The following RICTOR variants were observed in gnomAD, a reference collection of about 807,000 sequenced individuals.
RICTOR encodes RPTOR independent companion of MTOR complex 2, also known as rapamycin-insensitive companion of mTOR.
Under a neutral mutation model 214.9 loss-of-function variants are expected in RICTOR, and 49 were observed. The ratio of observed to expected loss-of-function variants is 0.23; its 90% confidence interval spans 0.18 to 0.29. The LOEUF is 0.29. Among genes scored for constraint, RICTOR ranks in the 10% least tolerant of loss-of-function variants. The pLI, the probability that RICTOR is intolerant of heterozygous loss-of-function variation, is 1.00. For synonymous variants in RICTOR, 717 were observed against 711.3 expected (o/e 1.01, Z -0.13); for missense variants, 1,625 against 2,047.0 (o/e 0.79, Z 3.98).
At chr5:39,060,310 C>T (rs1268800527) in intron 2 of RICTOR, among the ~76,000 whole-genome samples, 2 of 152,022 alleles carry the variant, frequency 1.3e-5, no homozygotes, top group Non-Finnish European at 2.9e-5. Context: ...AGTAGAGACT[C>T]TTAATTCTTC....
At chr5:39,057,549 T>C (rs532397460) in intron 2 of RICTOR, among the ~76,000 whole-genome samples, 151 of 152,230 alleles carry the variant, frequency 9.9e-4, no homozygotes, top group African/African-American at 3.5e-3. Flanking sequence ...AGGAAAATGA[T>C]GTGCCAGTAT....
Position 39,013,496 on chromosome 5 carries a change from TTGTC to T in RICTOR, c.195+7539_195+7542del, listed in dbSNP as rs796648125. Reference sequence around the variant, plus strand: ...TATATTATCTCCAAGTATTAAAAATTTGTCTGTTTATTAAAATGATCAAGTTTTA... The same window carrying T: ...TATATTATCTCCAAGTATTAAAAATTTGTTTATTAAAATGATCAAGTTTTA... On this transcript the variant is annotated intron_variant, in intron 3 of 37. Transcript: ENST00000357387. Among the ~76,000 whole-genome samples, 7 of 152,262 alleles carry T rather than the reference TTGTC, an allele frequency of 4.6e-5. No homozygotes were observed. The South Asian group carries it at 1.5e-3, about 32-fold the overall frequency.
intron 26 of RICTOR, 142 bp from the exon 27 acceptor site, chr5:38,955,003 G>A (rs1348072767): frequency 2.1e-6 from 1 of 476,470 alleles, no homozygotes; most frequent in African/African-American, 2.1e-5. Context: ...AACAAGGAAT[G>A]AGGATTTCTC....
intron 2 of RICTOR, among the ~76,000 whole-genome samples, chr5:39,048,879 A>G (rs1324438078): frequency 6.6e-6 from 1 of 152,188 alleles, no homozygotes; most frequent in Non-Finnish European, 1.5e-5. Context: ...TGTTACGCAT[A>G]AAGTTAGACC....
At position 38,962,912 on chromosome 5, in the gene RICTOR, C is replaced by T. The variant is rs768869927; in HGVS notation, c.1530G>A (p.Gln510=). 2 of 1,612,916 alleles carry T rather than the reference C, an allele frequency of 1.2e-6. No individual in the cohort carries two copies. The highest frequency in any genetic ancestry group is 1.1e-5 in the South Asian group (1 of 91,018). The change falls in exon 17 of 38, where the codon CAG becomes CAA. Residue 510 remains glutamine, a synonymous_variant. Transcript: ENST00000357387. The part of the protein sequence containing the change: ...KAIATHQKRD[Q]YLRVQKDIFI... ...ATATATCTTTCTGAACTCGGAGATA[C>T]TGATCCCGTTTCTGGTGTGTTGCAA... is the stretch of plus-strand genomic sequence containing the variant.
At chr5:39,062,599 AACT>A (rs1274726101) in intron 2 of RICTOR, among the ~76,000 whole-genome samples, 2 of 152,144 alleles carry the variant, frequency 1.3e-5, no homozygotes, top group Non-Finnish European at 2.9e-5. Flanking sequence ...TGAAGTATGA[AACT>A]ACTGATAAAA....
Position 38,978,629 on chromosome 5 carries a change from C to A in RICTOR, c.775G>T (p.Asp259Tyr), listed in dbSNP as rs2150055104. ...TCTGGACTATGTCTGTAGTGAAAATCAGTATAGGGTGCTAAAATTCTCTAT... is the reference window on the plus strand; with the variant it reads ...TCTGGACTATGTCTGTAGTGAAAATAAGTATAGGGTGCTAAAATTCTCTAT... ...ELERILAPYT[D>Y]FHYRHSPDTA... is the part of the protein sequence containing the mutation. The change falls in exon 9 of 38, where the codon GAT becomes TAT. Residue 259 changes from aspartate (D) to tyrosine (Y), a missense_variant. Coordinates refer to ENST00000357387, the MANE Select transcript of RICTOR (RefSeq NM_152756.5). The A allele has an allele frequency of 6.4e-7, 1 of 1,553,380 alleles. No homozygotes were observed. Among genetic ancestry groups the A allele is most frequent in the South Asian group, 1.1e-5 (1 of 87,222 alleles).
At chr5:38,960,277 T>C in intron 20 of RICTOR, 121 bp downstream of exon 20, 3 of 994,838 alleles carry the variant, frequency 3.0e-6, no homozygotes, top group Non-Finnish European at 4.6e-6. Flanking sequence ...TTCTTATGTT[T>C]CCAAATACGG....
intron 2 of RICTOR, among the ~76,000 whole-genome samples, chr5:39,023,701 G>C (rs565007159): frequency 4.6e-5 from 7 of 152,308 alleles, no homozygotes; most frequent in Non-Finnish European, 7.4e-5. Context: ...TTTTGAATTA[G>C]TGTTTTCCTC....
At chr5:39,039,203 C>A (rs1022264675) in intron 2 of RICTOR, among the ~76,000 whole-genome samples, 1 of 152,078 alleles carries the variant, frequency 6.6e-6, no homozygotes, top group African/African-American at 2.4e-5. Flanking sequence ...CTGACAAAAA[C>A]AAGAAATGGG....
chr5:38,998,721 A>G (rs1444974774), intron 5 of RICTOR, among the ~76,000 whole-genome samples: 1 of 152,210 alleles, frequency 6.6e-6, no homozygotes, highest in Non-Finnish European at 1.5e-5. Context: ...ATCTTTAAAT[A>G]AAACTAAAAT....
chr5:39,074,261 C>T, intron 1 of RICTOR, 68 bp downstream of exon 1: 2 of 1,578,244 alleles, frequency 1.3e-6, no homozygotes, highest in African/African-American at 1.4e-5. Context: ...AACCCAGGGC[C>T]AGGGGAAGGC....
intron 19 of RICTOR, among the ~76,000 whole-genome samples, chr5:38,961,220 C>T (rs961880001): frequency 4.6e-5 from 7 of 151,854 alleles, no homozygotes; most frequent in African/African-American, 7.3e-5. Flanking sequence ...AAGAAAGATG[C>T]TAGATGGATG....
chr5:38,942,230 T>A lies in RICTOR; in HGVS notation c.*74A>T. The A allele has an allele frequency of 1.1e-6, 1 of 901,442 alleles. No homozygotes were observed. The highest frequency in any genetic ancestry group is 1.7e-6 in the Non-Finnish European group (1 of 574,998). The allele number at this position is 901,442 out of a possible 1,614,324, so 55.8% of individuals were successfully genotyped here. A position where few individuals can be genotyped will look rare whatever the true frequency, so the allele number is the denominator to read the frequency against. ...TGTCTTTGCTGCCTAGTCAGTCGTA[T>A]TTTCTGAGGCTTTTAGGAAATCCAC... On this transcript the variant is annotated 3_prime_UTR_variant, in exon 38 of 38. Coordinates refer to ENST00000357387, the MANE Select transcript of RICTOR (RefSeq NM_152756.5).
intron 2 of RICTOR, among the ~76,000 whole-genome samples, chr5:39,043,659 T>C (rs1034826363): frequency 3.9e-5 from 6 of 152,188 alleles, no homozygotes; most frequent in Admixed American, 6.5e-5. Context: ...GTGATTGCTA[T>C]GGTCTGAATG....
chr5:39,062,732 T>G (rs1758636592), intron 2 of RICTOR, among the ~76,000 whole-genome samples: 1 of 152,148 alleles, frequency 6.6e-6, no homozygotes, highest in African/African-American at 2.4e-5. Flanking sequence ...CTCTTCATTC[T>G]CTATTCATTA....
At chr5:39,060,293 T>C (rs1358149798) in intron 2 of RICTOR, among the ~76,000 whole-genome samples, 1 of 152,092 alleles carries the variant, frequency 6.6e-6, no homozygotes, top group African/African-American at 2.4e-5. Context: ...ATTCACATGT[T>C]ATGCATAGTA....
intron 3 of RICTOR, among the ~76,000 whole-genome samples, chr5:39,016,319 G>A (rs1029732757): frequency 6.8e-6 from 1 of 147,710 alleles, no homozygotes; most frequent in Non-Finnish European, 1.5e-5. Context: ...AGGAAGGAGA[G>A]GGGGAACAGA....
intron 5 of RICTOR, among the ~76,000 whole-genome samples, chr5:39,000,593 T>G (rs114743168): frequency 2.0e-5 from 3 of 152,010 alleles, no homozygotes; most frequent in African/African-American, 7.2e-5. Context: ...CGAAACAAAC[T>G]TGTCCATTAT....
Sources: allele counts gnomAD v4.1 joint callset (sites outside exome capture counted in the v4.1 genomes callset), GRCh38; gene constraint gnomAD v4.1.1; transcripts MANE v1.5; gene names NCBI Gene and HGNC (gene_info 2026-07-23, HGNC 2026-07-21).